IFT81: variants seen among roughly 807,000 people sequenced by gnomAD.
IFT81 encodes intraflagellar transport 81.
A neutral mutation model predicts 102.6 loss-of-function variants in IFT81; 72 were observed. The observed-to-expected ratio is 0.70, with a 90% CI of 0.58 to 0.85. IFT81 has a LOEUF of 0.85. IFT81 is among the 40% of genes least tolerant of loss of function. The probability of loss-of-function intolerance (pLI) is 0.00; values close to 1 mark genes in which losing one functional copy is unlikely to be tolerated. For missense variants in IFT81, 723 were observed against 787.3 expected (o/e 0.92, Z 0.98); for synonymous variants, 237 against 242.7 (o/e 0.98, Z 0.22).
At chr12:110,144,247 C>T (rs1210783082) in intron 9 of IFT81, among the ~76,000 whole-genome samples, 1 of 150,440 alleles carries the variant, frequency 6.6e-6, no homozygotes, top group East Asian at 1.9e-4. Flanking sequence ...GACAGAGTCT[C>T]GTTCTGTTGC....
chr12:110,164,969 C>G (rs1449947342), intron 11 of IFT81, among the ~76,000 whole-genome samples: 1 of 151,918 alleles, frequency 6.6e-6, no homozygotes, highest in Non-Finnish European at 1.5e-5. Context: ...ATAAATAGTA[C>G]TTACAATTCA....
At chr12:110,186,558 G>C (rs1367783469) in intron 12 of IFT81, among the ~76,000 whole-genome samples, 1 of 151,916 alleles carries the variant, frequency 6.6e-6, no homozygotes, top group Non-Finnish European at 1.5e-5. Context: ...CTGTTGCCCA[G>C]GCTGGAGTGC....
chr12:110,190,954 A>G lies in IFT81; in HGVS notation c.1373A>G (p.Tyr458Cys), dbSNP rs866650394. 1 of 1,600,658 alleles carries G rather than the reference A, an allele frequency of 6.2e-7. No individual in the cohort carries two copies. The highest frequency in any genetic ancestry group is 8.5e-7 in the Non-Finnish European group (1 of 1,174,568). ...GAGGAGAAAAAGGGTATATCTGGAT[A>G]TAGTTACACCCAAGAAGAGCTAGAA... is the stretch of plus-strand genomic sequence containing the variant. ...TMEEKKGISG[Y>C]SYTQEELERV... Residue 458 changes from tyrosine to cysteine, a missense_variant, in exon 13 of 19, where the codon TAT (tyrosine) becomes TGT (cysteine). Physicochemically the swap from Tyr to Cys is radical, Grantham distance 194 (BLOSUM62 -2). Coordinates refer to ENST00000242591, the MANE Select transcript of IFT81 (RefSeq NM_014055.4).
At chr12:110,154,467 T>C (rs1300061779) in intron 10 of IFT81, among the ~76,000 whole-genome samples, 1 of 151,302 alleles carries the variant, frequency 6.6e-6, no homozygotes, top group African/African-American at 2.4e-5. Flanking sequence ...CCTGTCTCTG[T>C]TAAAAACACA....
chr12:110,140,098 T>C (rs1162371743), intron 8 of IFT81, among the ~76,000 whole-genome samples: 2 of 151,890 alleles, frequency 1.3e-5, no homozygotes, highest in African/African-American at 4.8e-5. Context: ...ATTTAAAATG[T>C]ATTAAATTTT....
intron 1 of IFT81, 139 bp downstream of exon 1, chr12:110,125,000 T>C (rs1893744987): frequency 6.6e-6 from 1 of 152,206 alleles, no homozygotes; most frequent in African/African-American, 2.4e-5. Flanking sequence ...CGAGTGACCA[T>C]TTTTGCAGGC....
chr12:110,142,726 CA>C (rs1413690040), intron 8 of IFT81, among the ~76,000 whole-genome samples: 4 of 149,354 alleles, frequency 2.7e-5, no homozygotes, highest in African/African-American at 4.9e-5. Flanking sequence ...CTCGTCTCTA[CA>C]AAAAAAAATA....
intron 14 of IFT81, among the ~76,000 whole-genome samples, chr12:110,196,766 C>T (rs1262052269): frequency 2.6e-5 from 4 of 152,104 alleles, no homozygotes; most frequent in African/African-American, 7.2e-5. Context: ...TATTATGGTA[C>T]GTAATGGTTT....
At chr12:110,165,760 CT>C (rs1896402063) in intron 11 of IFT81, among the ~76,000 whole-genome samples, 1 of 152,190 alleles carries the variant, frequency 6.6e-6, no homozygotes, top group Non-Finnish European at 1.5e-5. Context: ...ATCTGTTGAC[CT>C]TGAAGAAATT....
chr12:110,128,297 T>G, intron 3 of IFT81, 148 bp downstream of exon 3: 1 of 591,424 alleles, frequency 1.7e-6, no homozygotes, highest in Admixed American at 3.1e-5. Flanking sequence ...ATCTTAAACC[T>G]TCTATAAACA....
chr12:110,211,051 A>G (rs1427598844), intron 18 of IFT81, among the ~76,000 whole-genome samples: 1 of 144,680 alleles, frequency 6.9e-6, no homozygotes, highest in African/African-American at 2.6e-5. Flanking sequence ...TTTTGTAGAG[A>G]CGGGGTTTCG....
rs896733324 is a variant in IFT81 at position 110,163,077 on chromosome 12, C to T, written c.1188+12C>T. On this transcript the variant is annotated intron_variant, in intron 11 of 18. Coordinates refer to ENST00000242591, the MANE Select transcript of IFT81 (RefSeq NM_014055.4). ...TAAAGGGAGATGAGGTAAGCTGAGC[C>T]ATCTCATGGGACAAGGGTATGAGTA... 4 of 1,610,642 alleles carry T rather than the reference C, an allele frequency of 2.5e-6. No individual in the cohort carries two copies. Among genetic ancestry groups the T allele is most frequent in the Non-Finnish European group, 2.5e-6 (3 of 1,177,788 alleles).
At chr12:110,149,222 G>A (rs981210291) in intron 10 of IFT81, among the ~76,000 whole-genome samples, 1 of 152,166 alleles carries the variant, frequency 6.6e-6, no homozygotes, top group African/African-American at 2.4e-5. Context: ...GTTTTAGCAG[G>A]AAATGGTATT....
chr12:110,133,227 C>T (rs1303030790), intron 5 of IFT81, among the ~76,000 whole-genome samples: 1 of 152,024 alleles, frequency 6.6e-6, no homozygotes, highest in Non-Finnish European at 1.5e-5. Flanking sequence ...CCACCTTGGC[C>T]TCTCAAAGTA....
chr12:110,171,796 T>C (rs1896746226), intron 11 of IFT81: 5 of 152,178 alleles, frequency 3.3e-5, no homozygotes, highest in Admixed American at 1.3e-4. Flanking sequence ...CTTTTCAGGT[T>C]TTCTTCAAGT....
intron 18 of IFT81, among the ~76,000 whole-genome samples, chr12:110,217,623 G>A (rs1471701380): frequency 1.3e-5 from 2 of 151,576 alleles, no homozygotes; most frequent in African/African-American, 2.4e-5. Flanking sequence ...GTGTAGTGGC[G>A]TGATCTCGGC....
chr12:110,189,797 G>A (rs1416572325), intron 12 of IFT81, among the ~76,000 whole-genome samples: 1 of 152,068 alleles, frequency 6.6e-6, no homozygotes, highest in Non-Finnish European at 1.5e-5. Context: ...CTCAACAAAT[G>A]GAAACTTCAT....
At chr12:110,165,248 A>C (rs1016292814) in intron 11 of IFT81, among the ~76,000 whole-genome samples, 1 of 152,212 alleles carries the variant, frequency 6.6e-6, no homozygotes, top group African/African-American at 2.4e-5. Context: ...ATTAAGCATA[A>C]TTTTATAAAG....
intron 14 of IFT81, among the ~76,000 whole-genome samples, chr12:110,199,354 A>C (rs1239217941): frequency 1.3e-5 from 2 of 152,064 alleles, no homozygotes; most frequent in Non-Finnish European, 2.9e-5. Context: ...GAAGGTGTAC[A>C]CCTCTACAGT....
Sources: gnomAD v4.1 joint callset for allele counts (sites outside exome capture counted in the v4.1 genomes callset) on GRCh38, gnomAD v4.1.1 for gene constraint, MANE v1.5 for transcripts, NCBI Gene and HGNC (gene_info 2026-07-23, HGNC 2026-07-21) for gene names.